TSEN54: variants seen among roughly 807,000 people sequenced by gnomAD.
TSEN54 encodes the protein tRNA-splicing endonuclease subunit Sen54.
A neutral mutation model predicts 61.9 loss-of-function variants in TSEN54; 55 were observed. The ratio of observed to expected loss-of-function variants is 0.89; its 90% CI spans 0.72 to 1.11. TSEN54 has a LOEUF of 1.11. Among genes scored for constraint, TSEN54 ranks in the 50% most tolerant of loss-of-function variants. The pLI, the probability that TSEN54 is intolerant of heterozygous loss-of-function variation, is 0.00. For synonymous variants in TSEN54, 304 were observed against 288.7 expected (o/e 1.05, Z -0.54); for missense variants, 760 against 687.7 (o/e 1.11, Z -1.18).
chr17:75,524,455 G>A lies in TSEN54; in HGVS notation c.*43G>A, dbSNP rs978773454. ...GGATGGAGCTTGCTCCGGGGGACCG[G>A]GACTGTCTGTTCTCAGGGACCATCT... On this transcript the variant is annotated 3_prime_UTR_variant, in exon 11 of 11. Transcript: ENST00000333213. 32 of 1,612,512 alleles carry A rather than the reference G, an allele frequency of 2.0e-5. No individual in the cohort carries two copies. Among genetic ancestry groups the A allele is most frequent in the Non-Finnish European group, 2.7e-5 (32 of 1,179,764 alleles).
Position 75,521,483 on chromosome 17 carries a change from A to G in TSEN54, c.596A>G (p.Lys199Arg). ...SVQHLEDGDG[K>R]RKRSSSSPRS... ...CAGCACTTGGAGGATGGAGATGGCA[A>G]GAGAAAGAGGAGCAGCTCCAGCCCT... Residue 199 changes from lysine to arginine, a missense_variant, in exon 7 of 11, where the codon AAG becomes AGG. Lys to Arg is a conservative substitution (Grantham distance 26, BLOSUM62 2). Coordinates refer to ENST00000333213, the MANE Select transcript of TSEN54 (RefSeq NM_207346.3). The G allele has an allele frequency of 6.2e-7, 1 of 1,614,068 alleles. No homozygotes were observed.
chr17:75,516,868 A>G lies in TSEN54; in HGVS notation c.179A>G (p.Glu60Gly). Residue 60 changes from glutamate (E) to glycine (G), a missense_variant, in exon 2 of 11, where the codon GAA becomes GGA. Physicochemically the swap from Glu to Gly is moderately conservative, Grantham distance 98. Transcript: ENST00000333213. ...GCCGAGCGGCTGCGCCGGTGCCGGG[A>G]AGAGCTCTGGCAGCTGCTGGCAGAG... The part of the protein sequence containing the change: ...AQAERLRRCR[E>G]ELWQLLAEQR... 1 of 1,565,754 alleles carries G rather than the reference A, an allele frequency of 6.4e-7. No individual in the cohort carries two copies. The highest frequency in any genetic ancestry group is 8.6e-7 in the Non-Finnish European group (1 of 1,162,570).
Position 75,521,861 on chromosome 17 carries a change from T to C in TSEN54, c.780T>C (p.Leu260=). 1 of 1,611,646 alleles carries C rather than the reference T, an allele frequency of 6.2e-7. No homozygotes were observed. Among genetic ancestry groups the C allele is most frequent in the Non-Finnish European group, 8.5e-7 (1 of 1,179,418 alleles). Reference sequence around the variant, plus strand: ...AGGGCCCAGGGGGCCCCTTTCAGCTTCTGGGGTCCCTGGGCCCCAGCCCTG... The same window carrying C: ...AGGGCCCAGGGGGCCCCTTTCAGCTCCTGGGGTCCCTGGGCCCCAGCCCTG... ...PMKGPGGPFQ[L]LGSLGPSPGP... The change falls in exon 8 of 11, where the codon CTT becomes CTC. Residue 260 remains leucine, a synonymous_variant. Transcript: ENST00000333213.
At position 75,517,185 on chromosome 17, in the gene TSEN54, T is replaced by G; in HGVS notation, c.310T>G (p.Phe104Val). The stretch of plus-strand genomic sequence containing the variant: ...GGGCAAATTCTGGCAGACCATGGGC[T>G]TCTCAGAGCAGGGCCGGCAGCGCCT... ...PAGKFWQTMG[F>V]SEQGRQRLHP... The change falls in exon 4 of 11, where the codon TTC becomes GTC. Residue 104 changes from phenylalanine to valine, a missense_variant. Coordinates refer to ENST00000333213, the MANE Select transcript of TSEN54 (RefSeq NM_207346.3). The G allele has an allele frequency of 6.3e-7, 1 of 1,597,038 alleles. No individual in the cohort carries two copies. Among genetic ancestry groups the G allele is most frequent in the Non-Finnish European group, 8.5e-7 (1 of 1,172,616 alleles).
In TSEN54 at chr17:75,518,612, T is replaced by G. The variant is rs556160239; in HGVS notation, c.469-383T>G. ...AACTTCCCACCGGCATCTGTGGAGG[T>G]GTGGGGCTGGAGAGATGCCCACCAC... is the stretch of plus-strand genomic sequence containing the variant. On this transcript the variant is annotated intron_variant, in intron 5 of 10. Coordinates refer to ENST00000333213, the MANE Select transcript of TSEN54 (RefSeq NM_207346.3). 4 of 985,126 alleles carry G rather than the reference T, an allele frequency of 4.1e-6. No homozygotes were observed. The East Asian group carries it at 3.4e-4, about 84-fold the overall frequency. 61.0% of individuals were successfully genotyped at this position (985,126 alleles called of 1,614,324 possible). A position where few individuals can be genotyped will look rare whatever the true frequency, so the allele number is the denominator to read the frequency against.
chr17:75,516,703 C>T lies in TSEN54; in HGVS notation c.57-43C>T, dbSNP rs767691697. On this transcript the variant is annotated intron_variant, in intron 1 of 10. Transcript: ENST00000333213. ...CGGCGCCCGGGACCCGGCCAGGCGGCCCCCGATGCGCGGCGCTGACCCCGC... is the reference window on the plus strand; with the variant it reads ...CGGCGCCCGGGACCCGGCCAGGCGGTCCCCGATGCGCGGCGCTGACCCCGC... 4.4e-6 allele frequency: 6 copies of T among 1,375,904 alleles called. No individual in the cohort carries two copies. In the East Asian group the frequency reaches 9.1e-5, roughly 21 times the overall value. 85.2% of individuals were successfully genotyped at this position (1,375,904 alleles called of 1,614,324 possible).
chr17:75,518,489 A>G lies in TSEN54; in HGVS notation c.469-506A>G, dbSNP rs964590661. The G allele has an allele frequency of 5.1e-6, 5 of 980,468 alleles. No individual in the cohort carries two copies. The East Asian group carries it at 5.7e-4, about 111-fold the overall frequency. The allele number at this position is 980,468 out of a possible 1,614,324, so 60.7% of individuals were successfully genotyped here. ...AAGGAGGAAGTGGTTAGCTGTGCTA[A>G]AGCCTGCTGAGATCAAGCAGGATGG... On this transcript the variant is annotated intron_variant, in intron 5 of 10. Transcript: ENST00000333213.
Position 75,521,904 on chromosome 17 carries a change from G to T in TSEN54, c.823G>T (p.Val275Leu), listed in dbSNP as rs1040846492. ...GPSPGPAREG[V>L]GCSWESGRAE... The stretch of plus-strand genomic sequence containing the variant: ...CAGCCCTGGCCCGGCCAGGGAGGGG[G>T]TGGGGTGCAGCTGGGAGAGTGGCAG... Residue 275 changes from valine (V) to leucine (L), a missense_variant, in exon 8 of 11, where the codon GTG becomes TTG. By Grantham distance (32) the Val-to-Leu change is conservative. Transcript: ENST00000333213. The T allele has an allele frequency of 3.1e-6, 5 of 1,610,064 alleles. No individual in the cohort carries two copies. Among genetic ancestry groups the T allele is most frequent in the Non-Finnish European group, 2.5e-6 (3 of 1,178,672 alleles).
intron 6 of TSEN54, 68 bp from the exon 7 acceptor site, chr17:75,521,341 A>T: frequency 1.5e-6 from 2 of 1,354,408 alleles, no homozygotes; most frequent in Non-Finnish European, 2.1e-6. Flanking sequence ...CCGTTTCCTT[A>T]CACATCCCAC....
In TSEN54 at chr17:75,524,324, T is replaced by C. The variant is rs1568005657; in HGVS notation, c.1493T>C (p.Val498Ala). 4.3e-6 allele frequency: 7 copies of C among 1,614,086 alleles called. No individual in the cohort carries two copies. The highest frequency in any genetic ancestry group is 5.1e-6 in the Non-Finnish European group (6 of 1,180,048). ...LKRLSYQSGD[V>A]PLIFALVDHG... ...CGGTTGTCTTACCAGAGTGGGGATG[T>C]CCCTCTGATCTTTGCCCTGGTGGAT... The change falls in exon 11 of 11, where the codon GTC (valine) becomes GCC (alanine). Residue 498 changes from valine (V) to alanine (A), a missense_variant. Val to Ala is a moderately conservative substitution (Grantham distance 64, BLOSUM62 0). Coordinates refer to ENST00000333213, the MANE Select transcript of TSEN54 (RefSeq NM_207346.3).
rs1274696650 is a variant in TSEN54, at chr17:75,523,655, AT to A, written c.1314-6del. ...TTCATGTCATAACGTTTCTCATTGT[AT>A]TGTCAGGCTGTTGGAGAAGTCTGGG... On this transcript the variant is annotated splice_polypyrimidine_tract_variant and splice_region_variant and intron_variant, in intron 9 of 10. Coordinates refer to ENST00000333213, the MANE Select transcript of TSEN54 (RefSeq NM_207346.3). 6.2e-7 allele frequency: 1 copy of A among 1,614,118 alleles called. No homozygotes were observed. The highest frequency in any genetic ancestry group is 8.5e-7 in the Non-Finnish European group (1 of 1,180,018).
At chr17:75,519,402 C>T (rs2053405310) in intron 6 of TSEN54, among the ~76,000 whole-genome samples, 1 of 152,152 alleles carries the variant, frequency 6.6e-6, no homozygotes, top group South Asian at 2.1e-4. Flanking sequence ...GAAGAATTTA[C>T]CATTAGTAGG....
In TSEN54 at chr17:75,524,403, G is replaced by A. The variant is rs1410570376; in HGVS notation, c.1572G>A (p.Val524=). 6.2e-7 allele frequency: 1 copy of A among 1,614,132 alleles called. No individual in the cohort carries two copies. The highest frequency in any genetic ancestry group is 1.1e-5 in the South Asian group (1 of 91,082). ...GGGACTTCACGTTGCCCCAGGATGT[G>A]GGGCACTGACCTCACAGCTCTGCAG... The part of the protein sequence containing the change: ...SFRDFTLPQD[V]GH Residue 524 remains valine, a synonymous_variant, in exon 11 of 11, where the codon GTG becomes GTA. Coordinates refer to ENST00000333213, the MANE Select transcript of TSEN54 (RefSeq NM_207346.3).
Position 75,522,197 on chromosome 17 carries a change from G to A in TSEN54, c.1116G>A (p.Val372=), listed in dbSNP as rs1232164195. The part of the protein sequence containing the change: ...FQEDVNADPE[V]QRCSSWREYK... ...AAGATGTCAACGCCGATCCCGAGGT[G>A]CAGCGGTGCTCCAGCTGGCGGGAGT... Residue 372 remains valine (V), a synonymous_variant, in exon 8 of 11, where the codon GTG becomes GTA. Coordinates refer to ENST00000333213, the MANE Select transcript of TSEN54 (RefSeq NM_207346.3). The A allele has an allele frequency of 6.4e-7, 1 of 1,550,580 alleles. No individual in the cohort carries two copies. Among genetic ancestry groups the A allele is most frequent in the Non-Finnish European group, 8.7e-7 (1 of 1,145,830 alleles).
At chr17:75,518,274 A>G (rs1004501535) in intron 5 of TSEN54, among the ~76,000 whole-genome samples, 2 of 152,234 alleles carry the variant, frequency 1.3e-5, no homozygotes, top group East Asian at 1.9e-4. Flanking sequence ...TATGGGTGCC[A>G]TGAGCACATG....
At chr17:75,524,197 C>T (rs1008748972) in intron 10 of TSEN54, 65 bp from the exon 11 acceptor site, 3 of 1,607,352 alleles carry the variant, frequency 1.9e-6, no homozygotes, top group African/African-American at 2.7e-5. Context: ...AATCTCTTCT[C>T]TGGGAGCCCT....
Position 75,524,302 on chromosome 17 carries a change from T to C in TSEN54, c.1471T>C (p.Leu491=), listed in dbSNP as rs1207784756. The C allele has an allele frequency of 6.2e-7, 1 of 1,614,184 alleles. No individual in the cohort carries two copies. The highest frequency in any genetic ancestry group is 8.5e-7 in the Non-Finnish European group (1 of 1,180,036). The part of the protein sequence containing the change: ...PVPDLCSLKR[L]SYQSGDVPLI... The stretch of plus-strand genomic sequence containing the variant: ...CCCAGACCTCTGCAGCCTCAAGCGG[T>C]TGTCTTACCAGAGTGGGGATGTCCC... The change falls in exon 11 of 11, where the codon TTG becomes CTG. Residue 491 remains leucine, a synonymous_variant. Coordinates refer to ENST00000333213, the MANE Select transcript of TSEN54 (RefSeq NM_207346.3).
chr17:75,518,626 G>C, intron 5 of TSEN54: 2 of 985,432 alleles, frequency 2.0e-6, no homozygotes, highest in Non-Finnish European at 2.4e-6. Flanking sequence ...GGGCTGGAGA[G>C]ATGCCCACCA....
At chr17:75,519,771 C>T (rs1280603229) in intron 6 of TSEN54, among the ~76,000 whole-genome samples, 2 of 152,120 alleles carry the variant, frequency 1.3e-5, no homozygotes, top group Middle Eastern at 3.4e-3. Context: ...TGGGGTTTCA[C>T]TGTGTTGCCC....
Sources: gnomAD v4.1 joint callset for allele counts (sites outside exome capture counted in the v4.1 genomes callset) on GRCh38, gnomAD v4.1.1 for gene constraint, MANE v1.5 for transcripts, NCBI Gene and HGNC (gene_info 2026-07-23, HGNC 2026-07-21) for gene names.